SPG11: variants seen among roughly 807,000 people sequenced by gnomAD.
SPG11 encodes SPG11 vesicle trafficking associated, spatacsin, also known as spatacsin.
Under a neutral mutation model 274.0 loss-of-function variants are expected in SPG11, and 222 were observed. The ratio of observed to expected loss-of-function variants is 0.81; its 90% CI spans 0.73 to 0.91. The LOEUF (loss-of-function observed/expected upper bound fraction) is 0.91. SPG11 is among the 40% of genes least tolerant of loss of function. The probability of loss-of-function intolerance (pLI) is 0.00; values close to 1 mark genes in which losing one functional copy is unlikely to be tolerated. For missense variants in SPG11, 3,114 were observed against 2,872.7 expected, an observed-to-expected ratio of 1.08 and a Z score of -1.92; for synonymous variants, 1,144 against 1,039.7, an observed-to-expected ratio of 1.10 and a Z score of -1.93.
intron 7 of SPG11, among the ~76,000 whole-genome samples, chr15:44,640,304 C>T (rs1023784945): frequency 1.3e-5 from 2 of 151,858 alleles, no homozygotes; most frequent in Non-Finnish European, 2.9e-5. Context: ...GAAAAGATGC[C>T]AAGATTTTAA....
At position 44,633,557 on chromosome 15, in the gene SPG11, T is replaced by C. The variant is rs770234655; in HGVS notation, c.1683A>G (p.Lys561=). The C allele has an allele frequency of 4.3e-6, 7 of 1,611,950 alleles. No individual in the cohort carries two copies. The highest frequency in any genetic ancestry group is 1.1e-5 in the South Asian group (1 of 90,968). The change falls in exon 8 of 40, where the codon AAA becomes AAG. Residue 561 remains lysine, a synonymous_variant. Coordinates refer to ENST00000261866, the MANE Select transcript of SPG11 (RefSeq NM_025137.4). ...SKENLFNPSS[K]SSVSDQFDHL... The stretch of plus-strand genomic sequence containing the variant: ...GATCAAACTGATCAGATACAGAAGA[T>C]TTTGAGGATGGATTAAAAAGATTTT...
intron 20 of SPG11, among the ~76,000 whole-genome samples, chr15:44,603,548 CAGTTT>C (rs1485597870): frequency 2.2e-4 from 34 of 152,198 alleles, no homozygotes; most frequent in Non-Finnish European, 5.9e-5. Flanking sequence ...CAGAATAGCT[CAGTTT>C]AAAGTTCCTC....
intron 23 of SPG11, 47 bp from the exon 24 acceptor site, chr15:44,596,990 C>T (rs765109892): frequency 2.5e-6 from 4 of 1,589,846 alleles, no homozygotes; most frequent in Non-Finnish European, 2.6e-6. Context: ...AAACAAAAAA[C>T]TCATTAAAAT....
chr15:44,592,984 C>CAA (rs966388849), intron 26 of SPG11, among the ~76,000 whole-genome samples: 15 of 117,400 alleles, frequency 1.3e-4, no homozygotes, highest in South Asian at 2.6e-4. Context: ...GACTCTGCCT[C>CAA]AAAAAAAAAA....
chr15:44,622,079 C>T (rs1416952397), intron 13 of SPG11, 141 bp downstream of exon 13: 1 of 1,190,870 alleles, frequency 8.4e-7, no homozygotes, highest in African/African-American at 1.5e-5. Flanking sequence ...ACTCTCGAGT[C>T]CCTTCTGTCT....
chr15:44,596,196 A>T lies in SPG11; in HGVS notation c.4321T>A (p.Leu1441Ile). The T allele has an allele frequency of 6.2e-7, 1 of 1,614,142 alleles. No individual in the cohort carries two copies. The highest frequency in any genetic ancestry group is 8.5e-7 in the Non-Finnish European group (1 of 1,180,028). The part of the protein sequence containing the change: ...LQGSKQEMTD[L>I]FEILLQCSEE... ...GAGCATTGGAGCAGAATTTCAAATA[A>T]ATCGGTCATCTCTTGTTTGCTTCCT... is the stretch of plus-strand genomic sequence containing the variant. The change falls in exon 25 of 40, where the codon TTA (leucine) becomes ATA (isoleucine). Residue 1441 changes from leucine (L) to isoleucine (I), a missense_variant. Leu to Ile is a conservative substitution (Grantham distance 5). Coordinates refer to ENST00000261866, the MANE Select transcript of SPG11 (RefSeq NM_025137.4).
rs1342147541 is a variant in SPG11 at position 44,610,939 on chromosome 15, C to T, written c.3192G>A (p.Leu1064=). 1 of 1,613,790 alleles carries T rather than the reference C, an allele frequency of 6.2e-7. No homozygotes were observed. The highest frequency in any genetic ancestry group is 1.7e-5 in the Admixed American group (1 of 59,986). ...TTACACTGGCCTGATTGGTGGGAAT[C>T]AAAATCTGAGCATTTGCAAGGCTAG... ...FQASLANAQI[L]IPTNQASVSS... Residue 1064 remains leucine, a synonymous_variant, in exon 18 of 40, where the codon TTG becomes TTA. Transcript: ENST00000261866.
chr15:44,645,800 G>A (rs560247181), intron 7 of SPG11, among the ~76,000 whole-genome samples: 5 of 152,170 alleles, frequency 3.3e-5, no homozygotes, highest in African/African-American at 1.2e-4. Context: ...AGTGGGAAAA[G>A]GACATGAACA....
Position 44,605,913 on chromosome 15 carries a change from C to A in SPG11, c.3520+112G>T, listed in dbSNP as rs893558116. ...CGAACTATTTTTCCTTTGGAATACA[C>A]CTTTACTTTTAAAATAAAAATCAAT... On this transcript the variant is annotated intron_variant, in intron 20 of 39. Transcript: ENST00000261866. 33 of 944,262 alleles carry A rather than the reference C, an allele frequency of 3.5e-5. No homozygotes were observed. The African/African-American group carries it at 5.2e-4, about 15-fold the overall frequency. The allele number at this position is 944,262 out of a possible 1,614,324, so 58.5% of individuals were successfully genotyped here. A position where few individuals can be genotyped will look rare whatever the true frequency, so the allele number is the denominator to read the frequency against.
chr15:44,625,598 T>G (rs533292328), intron 11 of SPG11, among the ~76,000 whole-genome samples: 20 of 152,300 alleles, frequency 1.3e-4, no homozygotes, highest in Admixed American at 5.2e-4. Flanking sequence ...CCAGCCATGC[T>G]TCTTGTATAG....
intron 11 of SPG11, among the ~76,000 whole-genome samples, chr15:44,623,806 G>C (rs1314896465): frequency 1.3e-5 from 2 of 151,932 alleles, no homozygotes; most frequent in African/African-American, 2.4e-5. Flanking sequence ...ACCCAGGCTG[G>C]ATGGAATGCA....
At chr15:44,565,295 C>G (rs559947878) in intron 38 of SPG11, among the ~76,000 whole-genome samples, 3 of 152,298 alleles carry the variant, frequency 2.0e-5, no homozygotes, top group African/African-American at 7.2e-5. Flanking sequence ...GGTCCCCAAC[C>G]TTTTTGGCAT....
chr15:44,572,621 C>T lies in SPG11; in HGVS notation c.6343+62G>A, dbSNP rs941894548. The T allele has an allele frequency of 4.4e-6, 7 of 1,585,552 alleles. No individual in the cohort carries two copies. In the African/African-American group the frequency reaches 8.1e-5, roughly 18 times the overall value. ...GGACCCAAATCAAGTTTTGGAGAGACTGGGAGACCTTTTGAGACCTGTTTA... is the reference window on the plus strand; with the variant it reads ...GGACCCAAATCAAGTTTTGGAGAGATTGGGAGACCTTTTGAGACCTGTTTA... On this transcript the variant is annotated intron_variant, in intron 33 of 39. Coordinates refer to ENST00000261866, the MANE Select transcript of SPG11 (RefSeq NM_025137.4).
At chr15:44,623,469 G>C (rs896786071) in intron 11 of SPG11, among the ~76,000 whole-genome samples, 1 of 152,024 alleles carries the variant, frequency 6.6e-6, no homozygotes, top group Admixed American at 6.6e-5. Flanking sequence ...AGTTACCATG[G>C]GCAAGACCCC....
At chr15:44,596,008 A>G in intron 25 of SPG11, 75 bp downstream of exon 25, 2 of 1,582,778 alleles carry the variant, frequency 1.3e-6, no homozygotes, top group Non-Finnish European at 1.7e-6. Flanking sequence ...ACTTCTGATT[A>G]TCAGCCTTTC....
Position 44,596,068 on chromosome 15 carries a change from T to C in SPG11, c.4434+15A>G. On this transcript the variant is annotated intron_variant, in intron 25 of 39. Coordinates refer to ENST00000261866, the MANE Select transcript of SPG11 (RefSeq NM_025137.4). Reference sequence around the variant, plus strand: ...GTTCTCTGGGTACTTACTTCAGGCTTCTCATGATCCTCACCTGGAGACATG... The same window carrying C: ...GTTCTCTGGGTACTTACTTCAGGCTCCTCATGATCCTCACCTGGAGACATG... 1 of 1,612,740 alleles carries C rather than the reference T, an allele frequency of 6.2e-7. No individual in the cohort carries two copies. The highest frequency in any genetic ancestry group is 1.1e-5 in the South Asian group (1 of 91,030).
intron 19 of SPG11, among the ~76,000 whole-genome samples, chr15:44,607,698 A>G (rs992870801): frequency 2.6e-5 from 4 of 152,254 alleles, no homozygotes; most frequent in African/African-American, 7.2e-5. Flanking sequence ...AGGATCCCTG[A>G]ATAGGCTTCA....
At position 44,611,718 on chromosome 15, in the gene SPG11, C is replaced by T. The variant is rs185333871; in HGVS notation, c.3146-733G>A. ...TTATAATAGAAAAAAATGGAAAATG[C>T]CCTCATTGTCGGAAAATGAGAGAAC... On this transcript the variant is annotated intron_variant, in intron 17 of 39. Transcript: ENST00000261866. 3.3e-4 allele frequency among the ~76,000 whole-genome samples: 50 copies of T among 151,920 alleles called. No homozygotes were observed. In the East Asian group the frequency reaches 9.5e-3, roughly 29 times the overall value.
At position 44,608,461 on chromosome 15, in the gene SPG11, T is replaced by C. The variant is rs114945876; in HGVS notation, c.3436A>G (p.Ile1146Val). 2.8e-4 allele frequency: 452 copies of C among 1,614,126 alleles called. No homozygotes were observed. The African/African-American group carries it at 5.3e-3, about 19-fold the overall frequency. The change falls in exon 19 of 40, where the codon ATC becomes GTC. Residue 1146 changes from isoleucine (I) to valine (V), a missense_variant. Coordinates refer to ENST00000261866, the MANE Select transcript of SPG11 (RefSeq NM_025137.4). ...PPSVLPSDIT[I>V]YHLIQSLSPF... ...TACTGTACCTGAATAAGGTGGTAGA[T>C]TGTAATATCAGATGGCAGGACACTA...
Sources: gnomAD v4.1 joint callset for allele counts (sites outside exome capture counted in the v4.1 genomes callset) on GRCh38, gnomAD v4.1.1 for gene constraint, MANE v1.5 for transcripts, NCBI Gene and HGNC (gene_info 2026-07-23, HGNC 2026-07-21) for gene names.